Variants in PRKG1 observed in about 807,000 individuals in gnomAD.
The protein encoded by PRKG1 is protein kinase cGMP-dependent 1.
Under a neutral mutation model 88.1 loss-of-function variants are expected in PRKG1, and 35 were observed. The ratio of observed to expected loss-of-function variants is 0.40; its 90% CI spans 0.30 to 0.53. The LOEUF (loss-of-function observed/expected upper bound fraction) is 0.53, where lower values mean the gene tolerates loss of function less well. Ranked by LOEUF, PRKG1 falls within the 20% of genes least tolerant of loss-of-function variation. PRKG1 has a pLI of 0.59. For synonymous variants in PRKG1, 303 were observed against 292.5 expected (o/e 1.04, Z -0.37); for missense variants, 540 against 839.8 (o/e 0.64, Z 4.41).
intron 3 of PRKG1, among the ~76,000 whole-genome samples, chr10:51,487,486 T>C (rs751587560): frequency 1.3e-5 from 2 of 152,128 alleles, no homozygotes; most frequent in Non-Finnish European, 2.9e-5. Flanking sequence ...AAAAACTCAG[T>C]AGGGAGTTGC....
At chr10:51,690,175 A>G (rs1026812949) in intron 3 of PRKG1, among the ~76,000 whole-genome samples, 18 of 152,136 alleles carry the variant, frequency 1.2e-4, no homozygotes, top group African/African-American at 4.3e-4. Flanking sequence ...ACCAGATTAC[A>G]TGAGAACTCA....
chr10:51,997,348 G>A (rs995363101), intron 5 of PRKG1, among the ~76,000 whole-genome samples: 3 of 151,562 alleles, frequency 2.0e-5, no homozygotes, highest in Non-Finnish European at 2.9e-5. Flanking sequence ...GTGGGTGCCC[G>A]TAGTCCCAGC....
chr10:51,719,521 G>T (rs908550509), intron 3 of PRKG1, among the ~76,000 whole-genome samples: 2 of 152,082 alleles, frequency 1.3e-5, no homozygotes, highest in Non-Finnish European at 2.9e-5. Flanking sequence ...GAAAATCAAA[G>T]AAAGATTGTG....
intron 3 of PRKG1, among the ~76,000 whole-genome samples, chr10:51,771,402 C>T (rs916358382): frequency 2.0e-5 from 3 of 152,172 alleles, no homozygotes; most frequent in African/African-American, 7.2e-5. Flanking sequence ...TTTCCGTTCT[C>T]TGGGTCTTGG....
chr10:51,065,611 A>G (rs1843740265), intron 1 of PRKG1, among the ~76,000 whole-genome samples: 1 of 152,158 alleles, frequency 6.6e-6, no homozygotes, highest in Admixed American at 6.5e-5. Flanking sequence ...ACACAACACC[A>G]TCAATAAACA....
At chr10:51,766,484 A>G (rs1838167298) in intron 3 of PRKG1, among the ~76,000 whole-genome samples, 2 of 152,092 alleles carry the variant, frequency 1.3e-5, no homozygotes. Context: ...CCTGCCCCCC[A>G]ACCATGCCCC....
intron 2 of PRKG1, among the ~76,000 whole-genome samples, chr10:51,271,373 T>C (rs1234341197): frequency 1.3e-5 from 2 of 152,186 alleles, no homozygotes; most frequent in African/African-American, 2.4e-5. Context: ...AGAGCTCTAA[T>C]TGTATAACAA....
intron 2 of PRKG1, among the ~76,000 whole-genome samples, chr10:51,175,491 C>A (rs995918056): frequency 3.9e-5 from 6 of 151,928 alleles, no homozygotes; most frequent in Non-Finnish European, 7.4e-5. Context: ...ATAAGATTAT[C>A]AAATTATCTG....
At chr10:51,699,834 C>G (rs1841417431) in intron 3 of PRKG1, among the ~76,000 whole-genome samples, 1 of 152,206 alleles carries the variant, frequency 6.6e-6, no homozygotes, top group South Asian at 2.1e-4. Flanking sequence ...CCAACAGCCC[C>G]ACTACGACAC....
chr10:52,246,876 C>CAAAAAAAAAA (rs756775020), intron 9 of PRKG1, among the ~76,000 whole-genome samples: 1 of 57,218 alleles, frequency 1.7e-5, no homozygotes, highest in Non-Finnish European at 3.2e-5. Context: ...AACACAGTCT[C>CAAAAAAAAAA]AAAAAAAAAA....
intron 3 of PRKG1, among the ~76,000 whole-genome samples, chr10:51,609,162 A>C (rs1838840279): frequency 6.6e-6 from 1 of 152,016 alleles, no homozygotes. Context: ...ATATGTATAC[A>C]TGTTTATTAT....
At chr10:52,090,648 T>C (rs539934601) in intron 7 of PRKG1, among the ~76,000 whole-genome samples, 1 of 152,320 alleles carries the variant, frequency 6.6e-6, no homozygotes, top group East Asian at 1.9e-4. Flanking sequence ...TCCCTCAATA[T>C]ATTTGTTAAT....
intron 5 of PRKG1, among the ~76,000 whole-genome samples, chr10:51,947,344 C>T (rs918845731): frequency 3.3e-5 from 5 of 152,086 alleles, no homozygotes; most frequent in African/African-American, 1.2e-4. Flanking sequence ...GGGAGTGACC[C>T]GATTTTCCAG....
chr10:51,757,343 A>T lies in PRKG1; in HGVS notation c.593-47242A>T, dbSNP rs534291678. Reference sequence around the variant, plus strand: ...AGTCTCGAACTCCTGACCTCAAGTGATCAGCCTGCCTTGGCCTCCCAAAGT... The same window carrying T: ...AGTCTCGAACTCCTGACCTCAAGTGTTCAGCCTGCCTTGGCCTCCCAAAGT... On this transcript the variant is annotated intron_variant, in intron 3 of 17. Transcript: ENST00000373980. Among the ~76,000 whole-genome samples the T allele has an allele frequency of 2.6e-5, 4 of 152,214 alleles. No individual in the cohort carries two copies. In the South Asian group the frequency reaches 8.3e-4, roughly 32 times the overall value.
intron 3 of PRKG1, among the ~76,000 whole-genome samples, chr10:51,608,054 CT>C (rs2132238410): frequency 6.6e-6 from 1 of 152,256 alleles, no homozygotes; most frequent in South Asian, 2.1e-4. Context: ...CAAAATCCAC[CT>C]TCAACCCCTA....
Position 52,161,978 on chromosome 10 carries a change from T to C in PRKG1, c.1076+15T>C. 6.2e-7 allele frequency: 1 copy of C among 1,603,128 alleles called. No homozygotes were observed. The highest frequency in any genetic ancestry group is 8.5e-7 in the Non-Finnish European group (1 of 1,173,258). On this transcript the variant is annotated intron_variant, in intron 9 of 17. Coordinates refer to ENST00000373980, the MANE Select transcript of PRKG1 (RefSeq NM_006258.4). ...GCTAAAGCAAAGTAAGTGACTTTTT[T>C]CCTTAATTTTGATTGCAAAATGATT...
chr10:51,800,424 G>A (rs1839137910), intron 3 of PRKG1, among the ~76,000 whole-genome samples: 1 of 152,068 alleles, frequency 6.6e-6, no homozygotes, highest in South Asian at 2.1e-4. Context: ...GCTTTGGCTA[G>A]CCTACCTTAA....
intron 9 of PRKG1, among the ~76,000 whole-genome samples, chr10:52,198,886 G>C (rs1230255360): frequency 6.6e-6 from 1 of 151,916 alleles, no homozygotes; most frequent in African/African-American, 2.4e-5. Flanking sequence ...ACTTGAGATA[G>C]TATTTAGGGT....
At position 51,814,254 on chromosome 10, in the gene PRKG1, G is replaced by A. The variant is rs146954535; in HGVS notation, c.698+9564G>A. On this transcript the variant is annotated intron_variant, in intron 4 of 17. Coordinates refer to ENST00000373980, the MANE Select transcript of PRKG1 (RefSeq NM_006258.4). ...CACTTTAACCTGAACAAATGAAGATGCCACTTTTTGGGCACAAATTCTATA... is the reference window on the plus strand; with the variant it reads ...CACTTTAACCTGAACAAATGAAGATACCACTTTTTGGGCACAAATTCTATA... Among the ~76,000 whole-genome samples, 13 of 152,252 alleles carry A rather than the reference G, an allele frequency of 8.5e-5. No individual in the cohort carries two copies. In the East Asian group the frequency reaches 2.3e-3, roughly 27 times the overall value.
Sources: gnomAD v4.1 joint callset for allele counts (sites outside exome capture counted in the v4.1 genomes callset) on GRCh38, gnomAD v4.1.1 for gene constraint, MANE v1.5 for transcripts, NCBI Gene and HGNC (gene_info 2026-07-23, HGNC 2026-07-21) for gene names.